The following MAP3K13 variants were observed in gnomAD, a reference collection of about 807,000 sequenced individuals.
The protein encoded by MAP3K13 is leucine zipper-bearing kinase.
Under a neutral mutation model 104.0 loss-of-function variants are expected in MAP3K13, and 52 were observed. The observed-to-expected ratio is 0.50, with a 90% CI of 0.40 to 0.63. The LOEUF (loss-of-function observed/expected upper bound fraction) is 0.63, where lower values mean the gene tolerates loss of function less well. Among genes scored for constraint, MAP3K13 ranks in the 20% least tolerant of loss-of-function variants. MAP3K13 has a pLI of 0.00. For synonymous variants in MAP3K13, 394 were observed against 442.2 expected, an observed-to-expected ratio of 0.89 and a Z score of 1.37; for missense variants, 914 against 1,218.5, an observed-to-expected ratio of 0.75 and a Z score of 3.72.
intron 1 of MAP3K13, among the ~76,000 whole-genome samples, chr3:185,372,741 A>G (rs1020344860): frequency 6.6e-6 from 1 of 152,220 alleles, no homozygotes; most frequent in Non-Finnish European, 1.5e-5. Context: ...TTAATAGGCT[A>G]TGGAATGGCT....
At chr3:185,294,807 C>T (rs1720861954) in intron 2 of MAP3K13, among the ~76,000 whole-genome samples, 1 of 152,238 alleles carries the variant, frequency 6.6e-6, no homozygotes, top group Admixed American at 6.5e-5. Context: ...TAAGCAACTT[C>T]AGCTATCCCT....
At chr3:185,327,992 A>C (rs1722100868) in intron 2 of MAP3K13, among the ~76,000 whole-genome samples, 1 of 144,116 alleles carries the variant, frequency 6.9e-6, no homozygotes. Context: ...AGAAGGGGGA[A>C]GGAGGGAGGG....
At chr3:185,384,346 T>TGTG (rs1711559741) in intron 1 of MAP3K13, among the ~76,000 whole-genome samples, 1 of 117,792 alleles carries the variant, frequency 8.5e-6, no homozygotes. Flanking sequence ...GTGAGACACA[T>TGTG]TGTCTCTATC....
Position 185,451,268 on chromosome 3 carries a change from C to T in MAP3K13, c.1170-19C>T. 1 of 1,554,434 alleles carries T rather than the reference C, an allele frequency of 6.4e-7. No homozygotes were observed. Among genetic ancestry groups the T allele is most frequent in the Non-Finnish European group, 8.8e-7 (1 of 1,135,300 alleles). ...GGATACAACTTCTGAAATGCACAAA[C>T]TGTCTTTTTCACTTTTAGGCAGAGT... On this transcript the variant is annotated intron_variant, in intron 6 of 13. Transcript: ENST00000265026.
chr3:185,475,379 A>T (rs1432564871), intron 11 of MAP3K13, among the ~76,000 whole-genome samples: 1 of 152,222 alleles, frequency 6.6e-6, no homozygotes, highest in Non-Finnish European at 1.5e-5. Flanking sequence ...TCTCATCATC[A>T]TTGTTCACCA....
intron 1 of MAP3K13, among the ~76,000 whole-genome samples, chr3:185,411,688 G>A (rs1158957030): frequency 6.6e-6 from 1 of 151,144 alleles, no homozygotes; most frequent in Non-Finnish European, 1.5e-5. Context: ...TTTTAAAAAT[G>A]TGATTTATAT....
At chr3:185,455,623 T>TGA (rs1553808843) in intron 7 of MAP3K13, among the ~76,000 whole-genome samples, 28 of 51,430 alleles carry the variant, frequency 5.4e-4, no homozygotes, top group Non-Finnish European at 6.6e-4. Flanking sequence ...ATGAGATATA[T>TGA]GATATATATA....
At chr3:185,457,491 G>A (rs987121782) in intron 7 of MAP3K13, among the ~76,000 whole-genome samples, 8 of 152,180 alleles carry the variant, frequency 5.3e-5, no homozygotes, top group African/African-American at 9.7e-5. Context: ...GTGTCCTCAC[G>A]AGGTGGAAGG....
rs1352013483 is a variant in MAP3K13, at chr3:185,450,342, A to G, written c.1169+284A>G. On this transcript the variant is annotated intron_variant, in intron 6 of 13. Coordinates refer to ENST00000265026, the MANE Select transcript of MAP3K13 (RefSeq NM_004721.5). The surrounding 1 kb of genome is among the most constrained non-coding windows in gnomAD (Gnocchi z 4.2). ...ATCTCAAAATAGTAGGCCTTGGTCA[A>G]TGATAGCTACTATTTCTTTGCTAGT... Among the ~76,000 whole-genome samples, 1 of 152,232 alleles carries G rather than the reference A, an allele frequency of 6.6e-6. No individual in the cohort carries two copies. The highest frequency in any genetic ancestry group is 1.5e-5 in the Non-Finnish European group (1 of 68,042).
chr3:185,454,922 T>TATATATGATATATATATGAG (rs1716318864), intron 7 of MAP3K13, among the ~76,000 whole-genome samples: 1 of 86,192 alleles, frequency 1.2e-5, no homozygotes, highest in African/African-American at 4.0e-5. Context: ...ATATATGAGA[T>TATATATGATATATATATGAG]ATATATATGA....
At chr3:185,467,747 C>A (rs1717534096) in intron 10 of MAP3K13, among the ~76,000 whole-genome samples, 3 of 148,178 alleles carry the variant, frequency 2.0e-5, no homozygotes, top group African/African-American at 7.5e-5. Flanking sequence ...CATGCCACTG[C>A]ACCCCAGTCT....
At chr3:185,395,446 C>T (rs1482511102) in intron 1 of MAP3K13, among the ~76,000 whole-genome samples, 2 of 85,128 alleles carry the variant, frequency 2.3e-5, no homozygotes, top group African/African-American at 8.5e-5. Context: ...GCAAGCTCCG[C>T]CTCCCGGGTT....
chr3:185,479,282 G>C (rs965458250), intron 12 of MAP3K13, among the ~76,000 whole-genome samples: 1 of 152,188 alleles, frequency 6.6e-6, no homozygotes, highest in African/African-American at 2.4e-5. Flanking sequence ...ATGAAGCTGG[G>C]GTGGATTGAC....
At chr3:185,301,130 TATTTTTAATTAATTA>T (rs879257496) in intron 2 of MAP3K13, among the ~76,000 whole-genome samples, 1 of 151,840 alleles carries the variant, frequency 6.6e-6, no homozygotes, top group Non-Finnish European at 1.5e-5. Context: ...TTTATTTATT[TATTTTTAATTAATTA>T]ATTTTTTAAC....
chr3:185,383,718 C>A (rs1711524473), intron 1 of MAP3K13, among the ~76,000 whole-genome samples: 1 of 152,140 alleles, frequency 6.6e-6, no homozygotes, highest in Non-Finnish European at 1.5e-5. Context: ...CCAGCAGAAT[C>A]ATGAATCAAA....
chr3:185,358,182 C>G (rs963763778), upstream of MAP3K13, among the ~76,000 whole-genome samples: 5 of 152,138 alleles, frequency 3.3e-5, no homozygotes, highest in African/African-American at 7.2e-5. Flanking sequence ...TTGTGCTTAG[C>G]TTATTTTAAA....
intron 7 of MAP3K13, 23 bp downstream of exon 7, chr3:185,451,418 A>T (rs778886109): frequency 3.3e-6 from 5 of 1,500,510 alleles, no homozygotes; most frequent in Non-Finnish European, 4.6e-6. Context: ...ACTTCCTACC[A>T]GGTGCTACTA....
intron 2 of MAP3K13, among the ~76,000 whole-genome samples, chr3:185,305,844 T>C (rs1372769779): frequency 6.6e-6 from 1 of 152,224 alleles, no homozygotes; most frequent in African/African-American, 2.4e-5. Context: ...CATGATGCTA[T>C]GGTTTGGGAT....
Position 185,483,552 on chromosome 3 carries a change from AC to A in MAP3K13, c.*1100del, listed in dbSNP as rs1399309967. 2.2e-5 allele frequency: 5 copies of A among 225,284 alleles called. No individual in the cohort carries two copies. The Admixed American group carries it at 2.9e-4, about 13-fold the overall frequency. The allele number at this position is 225,284 out of a possible 1,614,324, so 14.0% of individuals were successfully genotyped here. A position where few individuals can be genotyped will look rare whatever the true frequency, so the allele number is the denominator to read the frequency against. ...TCAGCTACGAGGAGAAGATGGAACC[AC>A]CCCTCTCTGGAGCCAGGTTGCTTGT... On this transcript the variant is annotated 3_prime_UTR_variant, in exon 14 of 14. Transcript: ENST00000265026.
Sources: gnomAD v4.1 joint callset for allele counts (sites outside exome capture counted in the v4.1 genomes callset) on GRCh38, gnomAD v4.1.1 for gene constraint, Gnocchi (gnomAD v3.1) non-coding constraint, MANE v1.5 for transcripts, NCBI Gene and HGNC (gene_info 2026-07-23, HGNC 2026-07-21) for gene names.